The following NCOA3 variants were observed in gnomAD, a reference collection of about 807,000 sequenced individuals.
NCOA3 encodes the protein CBP-interacting protein.
Under a neutral mutation model 158.8 loss-of-function variants are expected in NCOA3, and 51 were observed. That is an observed-to-expected ratio of 0.32 (90% CI 0.26 to 0.41). The LOEUF (loss-of-function observed/expected upper bound fraction) is 0.41, where lower values mean the gene tolerates loss of function less well. Among genes scored for constraint, NCOA3 ranks in the 10% least tolerant of loss-of-function variants. The probability of loss-of-function intolerance (pLI) is 1.00; values close to 1 mark genes in which losing one functional copy is unlikely to be tolerated. For missense variants in NCOA3, 1,510 were observed against 1,746.6 expected, an observed-to-expected ratio of 0.86 and a Z score of 2.41; for synonymous variants, 537 against 592.4, an observed-to-expected ratio of 0.91 and a Z score of 1.36.
At chr20:47,540,518 G>C (rs894634968) in intron 1 of NCOA3, among the ~76,000 whole-genome samples, 2 of 150,770 alleles carry the variant, frequency 1.3e-5, no homozygotes, top group Admixed American at 1.3e-4. Flanking sequence ...TTTGCAGTGA[G>C]CTGAGACCGC....
intron 1 of NCOA3, 62 bp from the exon 2 acceptor site, chr20:47,583,121 C>A (rs2085480572): frequency 5.0e-6 from 2 of 398,196 alleles, no homozygotes; most frequent in South Asian, 1.3e-4. Context: ...GGTGACTAAT[C>A]ATAATGCTTA....
At position 47,651,089 on chromosome 20, in the gene NCOA3, GCAA is replaced by G. The variant is rs767107142; in HGVS notation, c.3762_3764del (p.Gln1276del). 1.8e-4 allele frequency: 213 copies of G among 1,193,294 alleles called. No individual in the cohort carries two copies. In the East Asian group the frequency reaches 2.7e-3, roughly 15 times the overall value. The allele number at this position is 1,193,294 out of a possible 1,614,324, so 73.9% of individuals were successfully genotyped here. On this transcript the variant is annotated inframe_deletion, in exon 20 of 23. Coordinates refer to ENST00000371998, the MANE Select transcript of NCOA3 (RefSeq NM_181659.3). Reference sequence around the variant, plus strand: ...TGATGATGCAGCAGCAGCAGCAGCAGCAACAGCAGCAGCAGCAGCAGCAGCAGC... The same window carrying G: ...TGATGATGCAGCAGCAGCAGCAGCAGCAGCAGCAGCAGCAGCAGCAGCAGC...
chr20:47,645,953 A>AC (rs1340508066), intron 17 of NCOA3, among the ~76,000 whole-genome samples: 2 of 152,078 alleles, frequency 1.3e-5, no homozygotes, highest in Non-Finnish European at 2.9e-5. Flanking sequence ...ACACGTGTTT[A>AC]CTCTTGGAAA....
chr20:47,601,750 T>G (rs2085867789), intron 2 of NCOA3, among the ~76,000 whole-genome samples: 3 of 152,232 alleles, frequency 2.0e-5, no homozygotes. Flanking sequence ...ATTGAAAACC[T>G]TTAAACTTCT....
chr20:47,631,920 C>T (rs2086424658), intron 8 of NCOA3, among the ~76,000 whole-genome samples: 1 of 152,074 alleles, frequency 6.6e-6, no homozygotes, highest in South Asian at 2.1e-4. Context: ...CACTTCTGAC[C>T]CCAGATGTAT....
chr20:47,636,807 C>T (rs761985719), intron 12 of NCOA3, 45 bp downstream of exon 12: 34 of 1,501,526 alleles, frequency 2.3e-5, no homozygotes, highest in Middle Eastern at 1.8e-4. Flanking sequence ...CATCATTTTT[C>T]GGTGTTAGAT....
Position 47,511,525 on chromosome 20 carries a change from A to AT in NCOA3, c.-99+9507dup, listed in dbSNP as rs1491524800. ...AGCTGAGATATGTATCTCTCTCGAGATATATATATATATATATATATATAT... is the reference window on the plus strand; with the variant it reads ...AGCTGAGATATGTATCTCTCTCGAGATTATATATATATATATATATATATAT... On this transcript the variant is annotated intron_variant, in intron 1 of 22. Transcript: ENST00000371998. Among the ~76,000 whole-genome samples, 4 of 2,674 alleles carry AT rather than the reference A, an allele frequency of 1.5e-3. No homozygotes were observed. In the Non-Finnish European group the frequency reaches 0.041, roughly 27 times the overall value. The allele number at this position is 2,674 out of a possible 152,430, so 1.8% of individuals were successfully genotyped here.
intron 1 of NCOA3, among the ~76,000 whole-genome samples, chr20:47,568,360 C>T (rs1465966625): frequency 1.3e-5 from 2 of 152,072 alleles, no homozygotes; most frequent in Non-Finnish European, 1.5e-5. Flanking sequence ...AGGCATACCT[C>T]AGACCATTGT....
chr20:47,615,360 A>G (rs2086115048), intron 2 of NCOA3, among the ~76,000 whole-genome samples: 1 of 152,206 alleles, frequency 6.6e-6, no homozygotes, highest in Non-Finnish European at 1.5e-5. Context: ...CCTCAAAATA[A>G]CTTCTTGCTT....
chr20:47,540,868 T>C (rs994937459), intron 1 of NCOA3, among the ~76,000 whole-genome samples: 7 of 152,206 alleles, frequency 4.6e-5, no homozygotes, highest in African/African-American at 1.7e-4. Flanking sequence ...TGGGGTAATC[T>C]AGGGAAGGAT....
At chr20:47,600,043 A>T (rs1384277340) in intron 2 of NCOA3, among the ~76,000 whole-genome samples, 1 of 152,008 alleles carries the variant, frequency 6.6e-6, no homozygotes, top group African/African-American at 2.4e-5. Flanking sequence ...TAAGTGCAGT[A>T]TATACAAGTA....
At chr20:47,543,759 C>G (rs755683811) in intron 1 of NCOA3, among the ~76,000 whole-genome samples, 17 of 152,178 alleles carry the variant, frequency 1.1e-4, no homozygotes, top group Non-Finnish European at 1.9e-4. Context: ...ATCCACCTGC[C>G]TTGTCCTCCC....
chr20:47,583,776 C>T (rs957431098), intron 2 of NCOA3, among the ~76,000 whole-genome samples: 6 of 151,934 alleles, frequency 3.9e-5, no homozygotes, highest in South Asian at 2.1e-4. Context: ...GGCAACAGAG[C>T]GAAACCCCAT....
chr20:47,519,921 G>A (rs888986923), intron 1 of NCOA3, among the ~76,000 whole-genome samples: 4 of 151,882 alleles, frequency 2.6e-5, no homozygotes, highest in Non-Finnish European at 4.4e-5. Context: ...CCACCACCAC[G>A]CCTGGCTAAT....
intron 2 of NCOA3, among the ~76,000 whole-genome samples, chr20:47,605,933 A>T (rs143440476): frequency 6.6e-6 from 1 of 152,188 alleles, no homozygotes; most frequent in Non-Finnish European, 1.5e-5. Flanking sequence ...ATAGGCCTGC[A>T]GATAGTAGAT....
At chr20:47,557,783 T>C (rs2085030540) in intron 1 of NCOA3, among the ~76,000 whole-genome samples, 1 of 152,192 alleles carries the variant, frequency 6.6e-6, no homozygotes, top group Admixed American at 6.6e-5. Context: ...GTATAATCCT[T>C]AGTGGTTTCA....
intron 2 of NCOA3, among the ~76,000 whole-genome samples, chr20:47,617,332 A>G (rs2086156172): frequency 6.6e-6 from 1 of 152,216 alleles, no homozygotes; most frequent in Admixed American, 6.5e-5. Flanking sequence ...GCTTTTATCA[A>G]CTACATATAT....
At chr20:47,570,981 T>C (rs2085284447) in intron 1 of NCOA3, among the ~76,000 whole-genome samples, 1 of 121,596 alleles carries the variant, frequency 8.2e-6, no homozygotes, top group African/African-American at 3.5e-5. Context: ...AGTATATACA[T>C]ATATGTGTGT....
chr20:47,521,677 CAAAA>C (rs869160858), intron 1 of NCOA3, among the ~76,000 whole-genome samples: 1 of 148,390 alleles, frequency 6.7e-6, no homozygotes, highest in Non-Finnish European at 1.5e-5. Context: ...AACAGGTAAT[CAAAA>C]AAGGTTGCTC....
Sources: gnomAD v4.1 joint callset for allele counts (sites outside exome capture counted in the v4.1 genomes callset) on GRCh38, gnomAD v4.1.1 for gene constraint, MANE v1.5 for transcripts, NCBI Gene and HGNC (gene_info 2026-07-23, HGNC 2026-07-21) for gene names.